The following EXOC4 variants were observed in gnomAD, a reference collection of about 807,000 sequenced individuals.
EXOC4 encodes SEC8-like 1.
In EXOC4, 71 loss-of-function variants were observed where a neutral mutation model predicts 107.2. The ratio of observed to expected loss-of-function variants is 0.66; its 90% CI spans 0.55 to 0.81. The LOEUF (loss-of-function observed/expected upper bound fraction) is 0.81, where lower values mean the gene tolerates loss of function less well. EXOC4 is among the 30% of genes least tolerant of loss of function. The pLI, the probability that EXOC4 is intolerant of heterozygous loss-of-function variation, is 0.00. For missense variants in EXOC4, 1,108 were observed against 1,189.6 expected, an observed-to-expected ratio of 0.93 and a Z score of 1.01; for synonymous variants, 456 against 441.2, an observed-to-expected ratio of 1.03 and a Z score of -0.42.
At chr7:133,280,226 G>C (rs1299207686) in intron 2 of EXOC4, among the ~76,000 whole-genome samples, 1 of 152,206 alleles carries the variant, frequency 6.6e-6, no homozygotes, top group Non-Finnish European at 1.5e-5. Flanking sequence ...TGGACAATAA[G>C]CAAAATAACT....
chr7:133,838,415 A>T (rs1797961745), intron 11 of EXOC4, among the ~76,000 whole-genome samples: 1 of 152,116 alleles, frequency 6.6e-6, no homozygotes, highest in Non-Finnish European at 1.5e-5. Context: ...TTTGTAATCC[A>T]CTTCCTTTTC....
At chr7:134,057,677 G>A (rs1219930577) in intron 17 of EXOC4, among the ~76,000 whole-genome samples, 1 of 152,118 alleles carries the variant, frequency 6.6e-6, no homozygotes, top group African/African-American at 2.4e-5. Flanking sequence ...TGTTCAGAGT[G>A]TTTTCAAGTC....
Position 133,502,526 on chromosome 7 carries a change from T to A in EXOC4, c.1417+22388T>A, listed in dbSNP as rs1185777510. On this transcript the variant is annotated intron_variant, in intron 9 of 17. Coordinates refer to ENST00000253861, the MANE Select transcript of EXOC4 (RefSeq NM_021807.4). ...GCTTCTTTTCTAAATGCTAATTTGC[T>A]TTTTTGTGTGTGGGGGGAGTCTGCT... 3.9e-5 allele frequency among the ~76,000 whole-genome samples: 6 copies of A among 152,260 alleles called. No homozygotes were observed. The East Asian group carries it at 1.2e-3, about 29-fold the overall frequency.
Position 133,383,448 on chromosome 7 carries a change from T to A in EXOC4, c.1182+8446T>A, listed in dbSNP as rs1796662177. ...AGTCACTTTACTTTTTTTAGTGCCTTGATTTCTTTTTTCTGGAGATTAATG... is the reference window on the plus strand; with the variant it reads ...AGTCACTTTACTTTTTTTAGTGCCTAGATTTCTTTTTTCTGGAGATTAATG... On this transcript the variant is annotated intron_variant, in intron 7 of 17. Coordinates refer to ENST00000253861, the MANE Select transcript of EXOC4 (RefSeq NM_021807.4). 2.0e-5 allele frequency among the ~76,000 whole-genome samples: 3 copies of A among 152,204 alleles called. No homozygotes were observed. In the South Asian group the frequency reaches 6.2e-4, roughly 31 times the overall value.
Position 133,767,923 on chromosome 7 carries a change from C to T in EXOC4, c.1515-49402C>T, listed in dbSNP as rs555024621. On this transcript the variant is annotated intron_variant, in intron 10 of 17. Transcript: ENST00000253861. Reference sequence around the variant, plus strand: ...CTTTGAACTCTTAGATTCAGCAATTCTAGATTCGGTTAAAGTAGTTTTAGG... The same window carrying T: ...CTTTGAACTCTTAGATTCAGCAATTTTAGATTCGGTTAAAGTAGTTTTAGG... 2.6e-5 allele frequency among the ~76,000 whole-genome samples: 4 copies of T among 151,992 alleles called. No individual in the cohort carries two copies. In the East Asian group the frequency reaches 5.8e-4, roughly 22 times the overall value.
intron 11 of EXOC4, among the ~76,000 whole-genome samples, chr7:133,862,978 G>A (rs890906596): frequency 2.6e-5 from 4 of 152,130 alleles, no homozygotes; most frequent in African/African-American, 9.7e-5. Flanking sequence ...GGGTTCATAT[G>A]TAAGTGTACT....
intron 9 of EXOC4, among the ~76,000 whole-genome samples, chr7:133,522,529 T>A (rs1677059991): frequency 1.3e-5 from 2 of 152,032 alleles, no homozygotes; most frequent in Admixed American, 1.3e-4. Flanking sequence ...ATATAGCGCA[T>A]TGGGGGAGGG....
At chr7:133,895,299 C>T (rs1279195461) in intron 11 of EXOC4, 12 of 314,584 alleles carry the variant, frequency 3.8e-5, no homozygotes, top group Non-Finnish European at 6.2e-5. Context: ...GCGCACGGTG[C>T]GCGCACCCAC....
chr7:133,339,524 T>A (rs182128672), intron 5 of EXOC4, among the ~76,000 whole-genome samples: 1 of 152,290 alleles, frequency 6.6e-6, no homozygotes, highest in Non-Finnish European at 1.5e-5. Flanking sequence ...ATTTTAAGAT[T>A]GTTTTTTCTA....
intron 7 of EXOC4, among the ~76,000 whole-genome samples, chr7:133,449,014 A>G (rs1019249015): frequency 1.3e-5 from 2 of 152,212 alleles, no homozygotes; most frequent in Non-Finnish European, 2.9e-5. Flanking sequence ...AGGCTGAGGC[A>G]TTAGAATCGC....
chr7:133,470,860 C>T (rs552960758), intron 7 of EXOC4, among the ~76,000 whole-genome samples: 15 of 152,170 alleles, frequency 9.9e-5, no homozygotes, highest in Non-Finnish European at 1.6e-4. Context: ...ATTTTCTTCA[C>T]GCAAATGTTA....
At chr7:134,076,602 G>A in the EXOC4 span, among the ~76,000 whole-genome samples, 1 of 150,956 alleles carries the variant, frequency 6.6e-6, no homozygotes, top group Non-Finnish European at 1.5e-5. Context: ...AGAACCAATA[G>A]CATATATATA....
chr7:133,876,149 A>T (rs1351276332), intron 11 of EXOC4, among the ~76,000 whole-genome samples: 3 of 151,778 alleles, frequency 2.0e-5, no homozygotes, highest in African/African-American at 4.8e-5. Flanking sequence ...TCTTGCTATT[A>T]ATATTTTTCC....
At chr7:133,862,949 C>G (rs1189926389) in intron 11 of EXOC4, among the ~76,000 whole-genome samples, 2 of 152,038 alleles carry the variant, frequency 1.3e-5, no homozygotes, top group Non-Finnish European at 2.9e-5. Context: ...TCACACAGAT[C>G]CATTAATCAG....
intron 11 of EXOC4, among the ~76,000 whole-genome samples, chr7:133,879,654 T>A (rs1442982394): frequency 6.6e-6 from 1 of 152,250 alleles, no homozygotes; most frequent in Non-Finnish European, 1.5e-5. Flanking sequence ...AATAATTTAT[T>A]CTTTCTGATG....
chr7:133,938,443 G>A (rs954472144), intron 14 of EXOC4, among the ~76,000 whole-genome samples: 1 of 152,184 alleles, frequency 6.6e-6, no homozygotes, highest in Non-Finnish European at 1.5e-5. Flanking sequence ...GCTCAGGGCT[G>A]TATGCACAGC....
chr7:133,539,464 A>G (rs1018866605), intron 9 of EXOC4, among the ~76,000 whole-genome samples: 4 of 152,120 alleles, frequency 2.6e-5, no homozygotes, highest in African/African-American at 4.8e-5. Context: ...TAACTCTGAA[A>G]TGAACTTCCT....
At position 133,896,867 on chromosome 7, in the gene EXOC4, G is replaced by A. The variant is rs74196250; in HGVS notation, c.1871+1132G>A. ...TTTAGTAGAGATGGGGTTTCACCATGTTGGCCAGGCTGGTCGCGAATTCCT... is the reference window on the plus strand; with the variant it reads ...TTTAGTAGAGATGGGGTTTCACCATATTGGCCAGGCTGGTCGCGAATTCCT... On this transcript the variant is annotated intron_variant, in intron 12 of 17. Transcript: ENST00000253861. Among the ~76,000 whole-genome samples the A allele has an allele frequency of 3.3e-5, 2 of 61,266 alleles. 1 individual carries two copies. 40.2% of individuals were successfully genotyped at this position (61,266 alleles called of 152,430 possible).
At position 134,064,282 on chromosome 7, in the gene EXOC4, C is replaced by G; in HGVS notation, c.2688-9C>G. 1 of 1,419,918 alleles carries G rather than the reference C, an allele frequency of 7.0e-7. No individual in the cohort carries two copies. Among genetic ancestry groups the G allele is most frequent in the Non-Finnish European group, 9.3e-7 (1 of 1,074,876 alleles). 88.0% of individuals were successfully genotyped at this position (1,419,918 alleles called of 1,614,324 possible). A position where few individuals can be genotyped will look rare whatever the true frequency, so the allele number is the denominator to read the frequency against. The stretch of plus-strand genomic sequence containing the variant: ...AGCCAGTGAGCAGTGTTCTCTCTTG[C>G]TTTCTCAGGCAGTACTACGAGATGC... On this transcript the variant is annotated splice_polypyrimidine_tract_variant and intron_variant, in intron 17 of 17. Coordinates refer to ENST00000253861, the MANE Select transcript of EXOC4 (RefSeq NM_021807.4).
Sources: allele counts gnomAD v4.1 joint callset (sites outside exome capture counted in the v4.1 genomes callset), GRCh38; gene constraint gnomAD v4.1.1; transcripts MANE v1.5; gene names NCBI Gene and HGNC (gene_info 2026-07-23, HGNC 2026-07-21).